ABCG1: variants seen among roughly 807,000 people sequenced by gnomAD.
ABCG1 encodes ATP binding cassette subfamily G member 1.
A neutral mutation model predicts 69.2 loss-of-function variants in ABCG1; 29 were observed. The observed-to-expected ratio is 0.42, with a 90% CI of 0.31 to 0.57. The LOEUF (loss-of-function observed/expected upper bound fraction) is 0.57. ABCG1 is among the 20% of genes least tolerant of loss of function. The pLI is 0.15. For synonymous variants in ABCG1, 370 were observed against 374.8 expected (o/e 0.99, Z 0.15); for missense variants, 718 against 898.1 (o/e 0.80, Z 2.56).
chr21:42,260,263 TC>T (rs2068384085), intron 2 of ABCG1: 2 of 1,497,616 alleles, frequency 1.3e-6, no homozygotes, highest in Admixed American at 4.2e-5. Context: ...GGACCCAGCT[TC>T]CACCACGGAG....
At chr21:42,268,911 G>A (rs899451441) in intron 2 of ABCG1, among the ~76,000 whole-genome samples, 4 of 152,162 alleles carry the variant, frequency 2.6e-5, no homozygotes, top group South Asian at 2.1e-4. Context: ...GGTGATCATC[G>A]GGTGCCCCAG....
At chr21:42,224,200 C>A (rs988458930) in intron 1 of ABCG1, among the ~76,000 whole-genome samples, 1 of 152,190 alleles carries the variant, frequency 6.6e-6, no homozygotes, top group Non-Finnish European at 1.5e-5. Flanking sequence ...GACATCCCCC[C>A]TCCAAAGCCC....
intron 1 of ABCG1, among the ~76,000 whole-genome samples, chr21:42,224,690 G>A (rs976962734): frequency 6.6e-6 from 1 of 152,170 alleles, no homozygotes; most frequent in Non-Finnish European, 1.5e-5. Context: ...GTTCTCTCTC[G>A]ATTTGGAAGA....
intron 2 of ABCG1, among the ~76,000 whole-genome samples, chr21:42,235,766 G>C (rs932559281): frequency 1.3e-5 from 2 of 152,132 alleles, no homozygotes; most frequent in African/African-American, 4.8e-5. Context: ...TAAATGCTTC[G>C]TATCAGACTT....
intron 2 of ABCG1, among the ~76,000 whole-genome samples, chr21:42,239,503 T>C (rs928990074): frequency 5.3e-5 from 8 of 152,138 alleles, no homozygotes; most frequent in African/African-American, 1.9e-4. Context: ...ACTGTTGATT[T>C]AGTGTTTCCT....
At position 42,276,949 on chromosome 21, in the gene ABCG1, A is replaced by C; in HGVS notation, c.588+4A>C. ...GGATGAAGGCAGAAGGGAAATGGTAAGTGGGTTGTTTGGTGCCCACAAGTG... is the reference window on the plus strand; with the variant it reads ...GGATGAAGGCAGAAGGGAAATGGTACGTGGGTTGTTTGGTGCCCACAAGTG... On this transcript the variant is annotated splice_donor_region_variant and intron_variant, in intron 5 of 14. Transcript: ENST00000398449. This position sits in a 1 kb window ranked among gnomAD's most constrained non-coding sequence, Gnocchi z 5.3. 6.2e-7 allele frequency: 1 copy of C among 1,614,182 alleles called. No homozygotes were observed. Among genetic ancestry groups the C allele is most frequent in the Non-Finnish European group, 8.5e-7 (1 of 1,180,020 alleles).
chr21:42,202,416 A>G (rs1032509936), intron 2 of ABCG1, among the ~76,000 whole-genome samples: 1 of 152,150 alleles, frequency 6.6e-6, no homozygotes, highest in African/African-American at 2.4e-5. Flanking sequence ...CAGCACAGGA[A>G]GCATGGAGGA....
chr21:42,211,636 T>C (rs1461462305), upstream of ABCG1, among the ~76,000 whole-genome samples: 1 of 151,950 alleles, frequency 6.6e-6, no homozygotes, highest in African/African-American at 2.4e-5. Flanking sequence ...TCCCAGCACT[T>C]TGGGAGGCCG....
At chr21:42,210,546 C>T (rs1201991258) in intron 2 of ABCG1, among the ~76,000 whole-genome samples, 1 of 152,158 alleles carries the variant, frequency 6.6e-6, no homozygotes, top group African/African-American at 2.4e-5. Context: ...TAGATCTTTC[C>T]CAGCCACTCT....
chr21:42,272,432 G>A (rs1324097506), intron 3 of ABCG1, among the ~76,000 whole-genome samples: 1 of 152,282 alleles, frequency 6.6e-6, no homozygotes, highest in Admixed American at 6.5e-5. Context: ...CTGGAGGAGA[G>A]AAGAGACCCG....
At chr21:42,277,922 GAA>G (rs1230099547) in intron 5 of ABCG1, among the ~76,000 whole-genome samples, 8 of 152,084 alleles carry the variant, frequency 5.3e-5, no homozygotes, top group Non-Finnish European at 1.5e-5. Flanking sequence ...CTTTGGTATG[GAA>G]AAAAAGAGTT....
intron 5 of ABCG1, among the ~76,000 whole-genome samples, chr21:42,280,472 G>A (rs1241349915): frequency 6.6e-6 from 1 of 152,236 alleles, no homozygotes; most frequent in Non-Finnish European, 1.5e-5. Context: ...GCGCCCGCCG[G>A]GAAGCCCCAG....
chr21:42,256,674 C>G, intron 2 of ABCG1: 1 of 1,448,642 alleles, frequency 6.9e-7, no homozygotes, highest in Non-Finnish European at 9.1e-7. Context: ...TCTGCTCCTC[C>G]CAGAGACTGA....
chr21:42,263,527 G>A (rs942521499), intron 2 of ABCG1, among the ~76,000 whole-genome samples: 5 of 152,152 alleles, frequency 3.3e-5, no homozygotes, highest in Non-Finnish European at 7.4e-5. Context: ...GTGTATTTAT[G>A]GTCTGCGCAC....
intron 3 of ABCG1, 23 bp downstream of exon 3, chr21:42,271,210 C>T (rs1248821554): frequency 2.7e-6 from 4 of 1,465,824 alleles, no homozygotes; most frequent in African/African-American, 1.4e-5. Context: ...GCCCAGGGCG[C>T]AAAGTTCTCT....
In ABCG1 at chr21:42,252,238, T is replaced by C. The variant is rs568201409; in HGVS notation, c.287-18832T>C. Among the ~76,000 whole-genome samples the C allele has an allele frequency of 4.6e-5, 7 of 152,324 alleles. No individual in the cohort carries two copies. The East Asian group carries it at 1.4e-3, about 29-fold the overall frequency. On this transcript the variant is annotated intron_variant, in intron 2 of 14. Transcript: ENST00000398449. The stretch of plus-strand genomic sequence containing the variant: ...TAAGACCTCGTGGTTGCCAGCCAAC[T>C]CCTGCTTCTGGAAGCTTTCCAAATC...
chr21:42,280,870 G>T (rs1035862401), intron 5 of ABCG1, among the ~76,000 whole-genome samples: 1 of 152,228 alleles, frequency 6.6e-6, no homozygotes, highest in African/African-American at 2.4e-5. Context: ...GATGCCAGCT[G>T]GGAAGAGGGC....
intron 2 of ABCG1, among the ~76,000 whole-genome samples, chr21:42,240,850 A>T (rs889109549): frequency 5.9e-5 from 9 of 152,260 alleles, no homozygotes; most frequent in African/African-American, 1.9e-4. Flanking sequence ...CATGACCTGG[A>T]CCAGATTAAG....
At chr21:42,232,237 G>A (rs2067911643) in intron 2 of ABCG1, among the ~76,000 whole-genome samples, 1 of 152,236 alleles carries the variant, frequency 6.6e-6, no homozygotes, top group African/African-American at 2.4e-5. Context: ...AAGACCAAAG[G>A]GGTTTGCTAC....
Sources: gnomAD v4.1 joint callset for allele counts (sites outside exome capture counted in the v4.1 genomes callset) on GRCh38, gnomAD v4.1.1 for gene constraint, Gnocchi (gnomAD v3.1) non-coding constraint, MANE v1.5 for transcripts, NCBI Gene and HGNC (gene_info 2026-07-23, HGNC 2026-07-21) for gene names.